PARP2: variants seen among roughly 807,000 people sequenced by gnomAD.
PARP2 encodes the protein poly [ADP-ribose] polymerase 2.
Under a neutral mutation model 77.8 loss-of-function variants are expected in PARP2, and 57 were observed. That is an observed-to-expected ratio of 0.73 (90% CI 0.59 to 0.91). The LOEUF is 0.91. Ranked by LOEUF, PARP2 falls within the 40% of genes least tolerant of loss-of-function variation. The probability of loss-of-function intolerance (pLI) is 0.00; values close to 1 mark genes in which losing one functional copy is unlikely to be tolerated. For synonymous variants in PARP2, 226 were observed against 242.6 expected, an observed-to-expected ratio of 0.93 and a Z score of 0.64; for missense variants, 651 against 689.0, an observed-to-expected ratio of 0.94 and a Z score of 0.62.
At chr14:20,355,080 A>G (rs937503928) in intron 9 of PARP2, 133 bp downstream of exon 9, 2 of 803,586 alleles carry the variant, frequency 2.5e-6, no homozygotes, top group Non-Finnish European at 4.0e-6. Context: ...CAGAAACAAA[A>G]TGATATATAG....
intron 1 of PARP2, among the ~76,000 whole-genome samples, chr14:20,344,644 C>G (rs1360598471): frequency 6.6e-6 from 1 of 152,060 alleles, no homozygotes; most frequent in African/African-American, 2.4e-5. Context: ...GAAACCCTGT[C>G]TCTACTAAAA....
rs1404908022 is a variant in PARP2 at position 20,356,688 on chromosome 14, T to C, written c.1328T>C (p.Met443Thr). The part of the protein sequence containing the change: ...APPEAPITGY[M>T]FGKGIYFADM... ...CCTGAAGCTCCCATCACAGGTTACATGGTGAGTGAAATTGAACTCTGGGAG... is the reference window on the plus strand; with the variant it reads ...CCTGAAGCTCCCATCACAGGTTACACGGTGAGTGAAATTGAACTCTGGGAG... Residue 443 changes from methionine to threonine, a missense_variant and splice_region_variant, in exon 13 of 16, where the codon ATG becomes ACG. Physicochemically the swap from Met to Thr is moderately conservative, Grantham distance 81 (BLOSUM62 -1). Transcript: ENST00000429687. The C allele has an allele frequency of 6.8e-6, 11 of 1,609,460 alleles. No homozygotes were observed. The highest frequency in any genetic ancestry group is 9.4e-6 in the Non-Finnish European group (11 of 1,175,822).
At position 20,351,032 on chromosome 14, in the gene PARP2, G is replaced by T; in HGVS notation, c.422-15G>T. On this transcript the variant is annotated splice_polypyrimidine_tract_variant and intron_variant, in intron 5 of 15. Transcript: ENST00000429687. ...CTCTTAGGGAACTATCTTATGTGTG[G>T]CATTTCCTTTGCAGTTGGGAAAATG... is the stretch of plus-strand genomic sequence containing the variant. The T allele has an allele frequency of 1.2e-6, 2 of 1,607,454 alleles. No homozygotes were observed. The highest frequency in any genetic ancestry group is 1.7e-6 in the Non-Finnish European group (2 of 1,174,134).
In PARP2 at chr14:20,350,948, C is replaced by T. The variant is rs947303422; in HGVS notation, c.422-99C>T. The T allele has an allele frequency of 4.3e-5, 39 of 897,992 alleles. No homozygotes were observed. The African/African-American group carries it at 6.0e-4, about 14-fold the overall frequency. 55.6% of individuals were successfully genotyped at this position (897,992 alleles called of 1,614,324 possible). On this transcript the variant is annotated intron_variant, in intron 5 of 15. Coordinates refer to ENST00000429687, the MANE Select transcript of PARP2 (RefSeq NM_001042618.2). ...CTAAATCCTTTCACCTTTCCCTTCT[C>T]CCTTTCCTGCCTGTTTGTCAGATGT...
rs558330340 is a variant in PARP2 at position 20,357,436 on chromosome 14, C to T, written c.1469C>T (p.Pro490Leu). 7.6e-5 allele frequency: 123 copies of T among 1,613,728 alleles called. 1 individual carries two copies. In the South Asian group the frequency reaches 1.3e-3, roughly 16 times the overall value. ...TGTAATGAACTACTAGAGGCCAATC[C>T]TAAGGCCGAAGGATTGCTTCAAGGT... ...GQCNELLEANPKAEGLLQGKH... is the reference protein window; with the variant it reads ...GQCNELLEANLKAEGLLQGKH... The change falls in exon 15 of 16, where the codon CCT (proline) becomes CTT (leucine). Residue 490 changes from proline to leucine, a missense_variant. Physicochemically the swap from Pro to Leu is moderately conservative, Grantham distance 98. Transcript: ENST00000429687.
In PARP2 at chr14:20,357,539, G is replaced by A; in HGVS notation, c.1553+19G>A. 6.2e-7 allele frequency: 1 copy of A among 1,605,386 alleles called. No individual in the cohort carries two copies. On this transcript the variant is annotated intron_variant, in intron 15 of 15. Coordinates refer to ENST00000429687, the MANE Select transcript of PARP2 (RefSeq NM_001042618.2). ...TCACCCTGTAAGTACTCAGAACCAG[G>A]AGGACTAGAAGACTCCTTTTGGCCA...
chr14:20,350,793 T>C (rs557524583), intron 5 of PARP2, 171 bp downstream of exon 5: 192 of 608,964 alleles, frequency 3.2e-4, no homozygotes, highest in Non-Finnish European at 3.8e-4. Context: ...GCAGGCATCC[T>C]CCTTAGAGTT....
intron 3 of PARP2, among the ~76,000 whole-genome samples, chr14:20,345,877 G>C (rs1400100771): frequency 6.6e-6 from 1 of 151,716 alleles, no homozygotes; most frequent in East Asian, 1.9e-4. Context: ...GAAAGGGAGA[G>C]AGAGAGATTG....
chr14:20,345,058 A>G lies in PARP2; in HGVS notation c.173A>G (p.Asn58Ser), dbSNP rs1423083780. 2 of 1,614,192 alleles carry G rather than the reference A, an allele frequency of 1.2e-6. No individual in the cohort carries two copies. Residue 58 changes from asparagine to serine, a missense_variant, in exon 2 of 16, where the codon AAT becomes AGT. By Grantham distance (46) the Asn-to-Ser change is conservative. Transcript: ENST00000429687. ...ATGCCTGTGGCTGGAGGAAAAGCTAATAAGGACAGGACAGAAGACAAGCAA... is the reference window on the plus strand; with the variant it reads ...ATGCCTGTGGCTGGAGGAAAAGCTAGTAAGGACAGGACAGAAGACAAGCAA... ...KKMPVAGGKA[N>S]KDRTEDKQDE...
At chr14:20,356,847 T>A in intron 13 of PARP2, 158 bp downstream of exon 13, 2 of 698,580 alleles carry the variant, frequency 2.9e-6, no homozygotes, top group Non-Finnish European at 4.9e-6. Context: ...CCTCTTTCTT[T>A]AAATTCCTAA....
intron 7 of PARP2, 95 bp from the exon 8 acceptor site, chr14:20,353,990 T>G: frequency 9.7e-7 from 1 of 1,032,516 alleles, no homozygotes; most frequent in South Asian, 1.5e-5. Context: ...TATAAAAACT[T>G]TACAAAGCAT....
chr14:20,357,362 G>A (rs1884195825), intron 14 of PARP2, 34 bp from the exon 15 acceptor site: 2 of 1,578,252 alleles, frequency 1.3e-6, no homozygotes, highest in African/African-American at 1.4e-5. Context: ...ATTCTTAGTA[G>A]GATATGGGAA....
At position 20,356,442 on chromosome 14, in the gene PARP2, T is replaced by C; in HGVS notation, c.1229+8T>C. 6.2e-7 allele frequency: 1 copy of C among 1,614,120 alleles called. No homozygotes were observed. On this transcript the variant is annotated splice_region_variant and intron_variant, in intron 12 of 15. Transcript: ENST00000429687. ...AGAGGACCTTCATAACAGGTCTGAG[T>C]CTAGCTTTGCGTTTGGAAAGACACT... is the stretch of plus-strand genomic sequence containing the variant.
Position 20,354,165 on chromosome 14 carries a change from G to GTTAA in PARP2, c.683_686dup (p.Lys230AsnfsTer6). 1 of 1,612,552 alleles carries GTTAA rather than the reference G, an allele frequency of 6.2e-7. No individual in the cohort carries two copies. Among genetic ancestry groups the GTTAA allele is most frequent in the South Asian group, 1.1e-5 (1 of 91,054 alleles). ...CACAGCTAGATCTTCGGGTACAGGAGTTAATAAAGTTGATCTGTAATGTTC... is the reference window on the plus strand; with the variant it reads ...CACAGCTAGATCTTCGGGTACAGGAGTTAATTAATAAAGTTGATCTGTAATGTTC... On this transcript the variant is annotated frameshift_variant, in exon 8 of 16. Transcript: ENST00000429687. LOFTEE classifies it high-confidence loss of function.
In PARP2 at chr14:20,354,194, C is replaced by T. The variant is rs201349330; in HGVS notation, c.710C>T (p.Ala237Val). 6.2e-7 allele frequency: 1 copy of T among 1,613,364 alleles called. No individual in the cohort carries two copies. Among genetic ancestry groups the T allele is most frequent in the East Asian group, 2.2e-5 (1 of 44,856 alleles). The stretch of plus-strand genomic sequence containing the variant: ...ATAAAGTTGATCTGTAATGTTCAGG[C>T]CATGGAAGAAATGATGATGGAAATG... Reference protein sequence around the residue: ...ELIKLICNVQAMEEMMMEMKY... With the variant: ...ELIKLICNVQVMEEMMMEMKY... Residue 237 changes from alanine to valine, a missense_variant, in exon 8 of 16, where the codon GCC becomes GTC. By Grantham distance (64) the Ala-to-Val change is moderately conservative. Transcript: ENST00000429687.
At position 20,350,513 on chromosome 14, in the gene PARP2, T is replaced by C. The variant is rs753780622; in HGVS notation, c.325-13T>C. ...AAACTCCTTTTTTTTGTTTTTGTTT[T>C]CACTCAACATAGACCAATCTCCAGT... On this transcript the variant is annotated splice_polypyrimidine_tract_variant and intron_variant, in intron 4 of 15. Coordinates refer to ENST00000429687, the MANE Select transcript of PARP2 (RefSeq NM_001042618.2). 1 of 1,470,428 alleles carries C rather than the reference T, an allele frequency of 6.8e-7. No homozygotes were observed. Among genetic ancestry groups the C allele is most frequent in the South Asian group, 1.2e-5 (1 of 82,458 alleles). 91.1% of individuals were successfully genotyped at this position (1,470,428 alleles called of 1,614,324 possible).
In PARP2 at chr14:20,346,931, G is replaced by A; in HGVS notation, c.324+18G>A. 1 of 1,543,146 alleles carries A rather than the reference G, an allele frequency of 6.5e-7. No homozygotes were observed. The highest frequency in any genetic ancestry group is 9.0e-7 in the Non-Finnish European group (1 of 1,117,172). The stretch of plus-strand genomic sequence containing the variant: ...TAAATCAGGTAAGAGGCAAGAAGAG[G>A]TGGCACCATTATATTTATGAGACCA... On this transcript the variant is annotated intron_variant, in intron 4 of 15. Transcript: ENST00000429687.
intron 7 of PARP2, chr14:20,352,558 C>CTTTTTTTTTTTTTT (rs374239476): frequency 4.6e-5 from 10 of 215,620 alleles, no homozygotes; most frequent in African/African-American, 1.2e-4. Context: ...GATTTTTTTT[C>CTTTTTTTTTTTTTT]TTTTTTTTTT....
At position 20,346,853 on chromosome 14, in the gene PARP2, CCCTT is replaced by C. The variant is rs1566417607; in HGVS notation, c.274-9_274-6del. ...ACTAATGTTGATTTTTTCTCTCTCT[CCCTT>C]TCTAGGCTCATGTGTATTGTGAAGG... On this transcript the variant is annotated splice_region_variant and splice_polypyrimidine_tract_variant and intron_variant, in intron 3 of 15. Transcript: ENST00000429687. 2.0e-6 allele frequency: 3 copies of C among 1,536,946 alleles called. No homozygotes were observed. Among genetic ancestry groups the C allele is most frequent in the Admixed American group, 1.7e-5 (1 of 57,768 alleles).
Sources: allele counts gnomAD v4.1 joint callset (sites outside exome capture counted in the v4.1 genomes callset), GRCh38; gene constraint gnomAD v4.1.1; transcripts MANE v1.5; gene names NCBI Gene and HGNC (gene_info 2026-07-23, HGNC 2026-07-21).